The following TENM3 variants were observed in gnomAD, a reference collection of about 807,000 sequenced individuals.
TENM3 encodes teneurin transmembrane protein 3.
Under a neutral mutation model 255.1 loss-of-function variants are expected in TENM3, and 63 were observed. The ratio of observed to expected loss-of-function variants is 0.25; its 90% CI spans 0.20 to 0.30. The LOEUF (loss-of-function observed/expected upper bound fraction) is 0.30. TENM3 is among the 10% of genes least tolerant of loss of function. The probability of loss-of-function intolerance (pLI) is 1.00; values close to 1 mark genes in which losing one functional copy is unlikely to be tolerated. For synonymous variants in TENM3, 1,306 were observed against 1,322.3 expected, an observed-to-expected ratio of 0.99 and a Z score of 0.27; for missense variants, 2,929 against 3,461.1, an observed-to-expected ratio of 0.85 and a Z score of 3.86.
chr4:182,665,342 A>G (rs1394294945), intron 6 of TENM3, among the ~76,000 whole-genome samples: 2 of 152,194 alleles, frequency 1.3e-5, no homozygotes, highest in Non-Finnish European at 2.9e-5. Flanking sequence ...CTGCTCAGAG[A>G]AAAAGATTGC....
intron 3 of TENM3, among the ~76,000 whole-genome samples, chr4:182,590,784 G>T (rs1302304496): frequency 2.0e-5 from 3 of 151,328 alleles, no homozygotes; most frequent in Admixed American, 6.6e-5. Context: ...CAGAGGCGGA[G>T]GTTGCAGTCA....
intron 3 of TENM3, among the ~76,000 whole-genome samples, chr4:182,586,850 A>G (rs1746068156): frequency 6.6e-6 from 1 of 152,182 alleles, no homozygotes; most frequent in Admixed American, 6.5e-5. Context: ...AACATATCAA[A>G]TAATATGCTA....
intron 2 of TENM3, among the ~76,000 whole-genome samples, chr4:182,331,666 G>T (rs775193580): frequency 2.0e-5 from 3 of 152,126 alleles, no homozygotes; most frequent in African/African-American, 7.2e-5. Context: ...TGAGAATAAA[G>T]ATATATTAGG....
chr4:181,979,959 C>T, the TENM3 span, among the ~76,000 whole-genome samples: 1 of 152,178 alleles, frequency 6.6e-6, no homozygotes, highest in Non-Finnish European at 1.5e-5. Context: ...CTAGTTATAA[C>T]CTGTGAGTCA....
chr4:182,549,240 T>C (rs1741770266), intron 3 of TENM3, among the ~76,000 whole-genome samples: 2 of 152,216 alleles, frequency 1.3e-5, no homozygotes, highest in Admixed American at 6.5e-5. Context: ...ACAGTAATTA[T>C]AGACCAAAAA....
the TENM3 span, among the ~76,000 whole-genome samples, chr4:181,616,168 T>A: frequency 1.1e-3 from 173 of 151,706 alleles, 1 homozygote; most frequent in African/African-American, 4.1e-3. Context: ...GATGTTAATT[T>A]GTATTAAAAT....
chr4:182,233,367 G>A (rs547991132), intron 1 of TENM3, among the ~76,000 whole-genome samples: 1 of 152,318 alleles, frequency 6.6e-6, no homozygotes, highest in East Asian at 1.9e-4. Context: ...GTGCATTAGG[G>A]GTTAATTTGA....
intron 2 of TENM3, among the ~76,000 whole-genome samples, chr4:182,333,237 G>A (rs538204248): frequency 9.2e-5 from 14 of 152,290 alleles, no homozygotes; most frequent in African/African-American, 3.4e-4. Flanking sequence ...AACTAAACTT[G>A]ATTAGAGTAG....
At chr4:182,362,995 A>G (rs1400364053) in intron 3 of TENM3, among the ~76,000 whole-genome samples, 1 of 152,222 alleles carries the variant, frequency 6.6e-6, no homozygotes, top group African/African-American at 2.4e-5. Flanking sequence ...ATTGATTGAA[A>G]TCATAACCAA....
At chr4:181,857,611 A>G in the TENM3 span, among the ~76,000 whole-genome samples, 1 of 149,950 alleles carries the variant, frequency 6.7e-6, no homozygotes, top group Non-Finnish European at 1.5e-5. Context: ...CAAACACATT[A>G]GCCAGGCATA....
At chr4:181,877,649 C>T in the TENM3 span, among the ~76,000 whole-genome samples, 1 of 152,114 alleles carries the variant, frequency 6.6e-6, no homozygotes, top group Non-Finnish European at 1.5e-5. Context: ...GCCCTTTAAC[C>T]ACCCACCCCT....
the TENM3 span, among the ~76,000 whole-genome samples, chr4:182,099,700 G>A: frequency 6.6e-5 from 10 of 152,108 alleles, no homozygotes; most frequent in East Asian, 1.9e-4. Flanking sequence ...CAGGGCCTGC[G>A]AAGACTCGAA....
chr4:181,558,883 ATT>A, the TENM3 span, among the ~76,000 whole-genome samples: 9 of 152,208 alleles, frequency 5.9e-5, no homozygotes, highest in Non-Finnish European at 5.9e-5. Flanking sequence ...ATGGCTTAAT[ATT>A]TGATCATTTC....
At chr4:182,271,284 C>A (rs776773932) in intron 1 of TENM3, among the ~76,000 whole-genome samples, 1 of 152,268 alleles carries the variant, frequency 6.6e-6, no homozygotes, top group Non-Finnish European at 1.5e-5. Context: ...TTCCTAAGTG[C>A]GGCTGAAAAG....
At chr4:181,713,956 C>A in the TENM3 span, among the ~76,000 whole-genome samples, 3 of 152,120 alleles carry the variant, frequency 2.0e-5, no homozygotes, top group Non-Finnish European at 4.4e-5. Flanking sequence ...AAGACAGGTA[C>A]TTTGTGGGGT....
At chr4:182,217,009 C>CTTTTTTTTTTTTTTTTTTTTT (rs3071526) in intron 1 of TENM3, among the ~76,000 whole-genome samples, 1 of 67,508 alleles carries the variant, frequency 1.5e-5, no homozygotes, top group East Asian at 6.0e-4. Context: ...CATTTTCTTT[C>CTTTTTTTTTTTTTTTTTTTTT]TTTTTTTTTT....
At chr4:182,135,589 C>T in the TENM3 span, among the ~76,000 whole-genome samples, 1 of 152,204 alleles carries the variant, frequency 6.6e-6, no homozygotes, top group African/African-American at 2.4e-5. Context: ...TTTCTAAAGT[C>T]TTAAGGAAGT....
At chr4:182,717,890 A>G (rs1339963148) in intron 13 of TENM3, among the ~76,000 whole-genome samples, 1 of 152,200 alleles carries the variant, frequency 6.6e-6, no homozygotes, top group African/African-American at 2.4e-5. Context: ...CTGAGTCCAG[A>G]GAATAGGAAG....
the TENM3 span, among the ~76,000 whole-genome samples, chr4:181,550,326 C>G: frequency 1.3e-5 from 2 of 152,160 alleles, no homozygotes; most frequent in African/African-American, 2.4e-5. Flanking sequence ...ATGACTAGTA[C>G]CACCTACCTA....
Sources: gnomAD v4.1 joint callset for allele counts (sites outside exome capture counted in the v4.1 genomes callset) on GRCh38, gnomAD v4.1.1 for gene constraint, MANE v1.5 for transcripts, NCBI Gene and HGNC (gene_info 2026-07-23, HGNC 2026-07-21) for gene names.